Variants in STXBP5L observed in about 807,000 individuals in gnomAD.
The protein encoded by STXBP5L is syntaxin binding protein 5L.
STXBP5L carries 65 observed loss-of-function variants against 144.5 expected under a neutral mutation model. The ratio of observed to expected loss-of-function variants is 0.45; its 90% CI spans 0.37 to 0.55. The LOEUF is 0.55. Among genes scored for constraint, STXBP5L ranks in the 20% least tolerant of loss-of-function variants. STXBP5L has a pLI of 0.00. For synonymous variants in STXBP5L, 505 were observed against 469.6 expected, an observed-to-expected ratio of 1.08 and a Z score of -0.97; for missense variants, 1,298 against 1,405.5, an observed-to-expected ratio of 0.92 and a Z score of 1.22.
At chr3:121,367,601 T>TG (rs1445671809) in intron 20 of STXBP5L, among the ~76,000 whole-genome samples, 3 of 138,422 alleles carry the variant, frequency 2.2e-5, no homozygotes, top group Non-Finnish European at 3.1e-5. Context: ...TCTTGTTTTT[T>TG]TTTTTTTTTT....
intron 21 of STXBP5L, 78 bp from the exon 22 acceptor site, chr3:121,381,215 A>G (rs1036466081): frequency 3.6e-6 from 5 of 1,385,812 alleles, no homozygotes. Flanking sequence ...CATAATTTTG[A>G]TTTATATATA....
At chr3:121,116,318 T>C (rs1041434639) in intron 6 of STXBP5L, among the ~76,000 whole-genome samples, 11 of 152,118 alleles carry the variant, frequency 7.2e-5, no homozygotes, top group African/African-American at 2.4e-4. Flanking sequence ...AATAAATATT[T>C]TACCTAATCT....
chr3:121,297,264 A>G (rs1213649820), intron 19 of STXBP5L, among the ~76,000 whole-genome samples: 1 of 151,092 alleles, frequency 6.6e-6, no homozygotes, highest in Non-Finnish European at 1.5e-5. Context: ...TAGTGATAAT[A>G]TACATATATG....
chr3:121,355,774 T>C (rs1206701827), intron 20 of STXBP5L, among the ~76,000 whole-genome samples: 1 of 152,222 alleles, frequency 6.6e-6, no homozygotes, highest in Non-Finnish European at 1.5e-5. Flanking sequence ...GGCACTCTGA[T>C]TTTTCGAATT....
intron 10 of STXBP5L, among the ~76,000 whole-genome samples, chr3:121,212,466 G>T (rs764837182): frequency 2.0e-5 from 3 of 151,972 alleles, no homozygotes; most frequent in Non-Finnish European, 4.4e-5. Context: ...TTTATTAAAT[G>T]GGGAATCCTT....
intron 20 of STXBP5L, among the ~76,000 whole-genome samples, chr3:121,371,221 T>A (rs1402101771): frequency 6.6e-6 from 1 of 152,174 alleles, no homozygotes; most frequent in Non-Finnish European, 1.5e-5. Context: ...GGGGTTTGAT[T>A]GTGGTATAAT....
chr3:121,209,832 C>T (rs1364253965), intron 10 of STXBP5L, among the ~76,000 whole-genome samples: 6 of 152,134 alleles, frequency 3.9e-5, no homozygotes, highest in Admixed American at 2.0e-4. Context: ...CAGTCTATCA[C>T]TGATGGACAT....
chr3:121,401,873 A>G (rs1167289858), intron 22 of STXBP5L, among the ~76,000 whole-genome samples: 1 of 104,042 alleles, frequency 9.6e-6, no homozygotes, highest in Non-Finnish European at 1.9e-5. Flanking sequence ...GTGCACATGT[A>G]CCCTAAAACT....
intron 20 of STXBP5L, among the ~76,000 whole-genome samples, chr3:121,359,758 G>A (rs781031093): frequency 4.6e-5 from 7 of 151,744 alleles, no homozygotes; most frequent in Admixed American, 6.6e-5. Context: ...GCTCACCGTA[G>A]GTGTGTGGAT....
intron 7 of STXBP5L, among the ~76,000 whole-genome samples, chr3:121,140,763 A>C (rs1008176199): frequency 6.6e-6 from 1 of 152,204 alleles, no homozygotes; most frequent in Non-Finnish European, 1.5e-5. Context: ...GGATGAGGAC[A>C]TGTTGGTCAA....
intron 3 of STXBP5L, among the ~76,000 whole-genome samples, chr3:121,007,062 C>T (rs1395249848): frequency 6.6e-6 from 1 of 151,884 alleles, no homozygotes; most frequent in South Asian, 2.1e-4. Context: ...ATCTTTGTGG[C>T]GTTCTCTGTA....
chr3:121,173,281 A>T (rs1299737067), intron 9 of STXBP5L, among the ~76,000 whole-genome samples: 3 of 151,646 alleles, frequency 2.0e-5, no homozygotes, highest in Non-Finnish European at 4.4e-5. Context: ...ATACTTATGT[A>T]ACAAACCTGC....
rs978480820 is a variant in STXBP5L, at chr3:121,352,567, A to T, written c.2177-26149A>T. Reference sequence around the variant, plus strand: ...AGACTTTGCTGAAGTTGCTTATCAGATAAGGAGATTTTGGGCTGAGACAAT... The same window carrying T: ...AGACTTTGCTGAAGTTGCTTATCAGTTAAGGAGATTTTGGGCTGAGACAAT... On this transcript the variant is annotated intron_variant, in intron 20 of 26. Coordinates refer to ENST00000471454, the MANE Select transcript of STXBP5L (RefSeq NM_001308330.2). Among the ~76,000 whole-genome samples the T allele has an allele frequency of 6.7e-4, 102 of 152,068 alleles. 2 individuals are homozygous for T. In the South Asian group the frequency reaches 0.021, roughly 31 times the overall value.
chr3:120,993,858 A>T (rs1280146019), intron 3 of STXBP5L, among the ~76,000 whole-genome samples: 1 of 151,496 alleles, frequency 6.6e-6, no homozygotes, highest in African/African-American at 2.4e-5. Flanking sequence ...TTTAATAGAG[A>T]TTGCATTGAA....
At chr3:121,126,281 T>C (rs1252542454) in intron 7 of STXBP5L, among the ~76,000 whole-genome samples, 1 of 152,210 alleles carries the variant, frequency 6.6e-6, no homozygotes, top group East Asian at 1.9e-4. Context: ...CATTAACATA[T>C]GTCTGTGGCT....
chr3:120,931,011 T>C (rs1709905745), intron 2 of STXBP5L, among the ~76,000 whole-genome samples: 1 of 152,152 alleles, frequency 6.6e-6, no homozygotes, highest in South Asian at 2.1e-4. Context: ...GTAGACTAGG[T>C]TCTGGAATAT....
chr3:121,009,567 T>G (rs956793281), intron 3 of STXBP5L, among the ~76,000 whole-genome samples: 2 of 152,016 alleles, frequency 1.3e-5, no homozygotes, highest in African/African-American at 4.8e-5. Flanking sequence ...CCCATTTATT[T>G]AAAAAGCGCA....
At chr3:121,160,708 A>G (rs1474202528) in intron 9 of STXBP5L, among the ~76,000 whole-genome samples, 1 of 152,094 alleles carries the variant, frequency 6.6e-6, no homozygotes, top group Non-Finnish European at 1.5e-5. Context: ...TACTGATGAG[A>G]TTGAATTTTG....
At chr3:121,063,137 T>C (rs1425912699) in intron 5 of STXBP5L, among the ~76,000 whole-genome samples, 2 of 152,194 alleles carry the variant, frequency 1.3e-5, no homozygotes, top group African/African-American at 4.8e-5. Flanking sequence ...CTCCCCATCT[T>C]TGTGGATTTA....
Sources: gnomAD v4.1 joint callset for allele counts (sites outside exome capture counted in the v4.1 genomes callset) on GRCh38, gnomAD v4.1.1 for gene constraint, MANE v1.5 for transcripts, NCBI Gene and HGNC (gene_info 2026-07-23, HGNC 2026-07-21) for gene names.